Variants in KMT2E observed in about 807,000 individuals in gnomAD.
KMT2E encodes the protein lysine methyltransferase 2E (inactive).
In KMT2E, 30 loss-of-function variants were observed where a neutral mutation model predicts 184.6. That is an observed-to-expected ratio of 0.16 (90% CI 0.12 to 0.22). The LOEUF is 0.22. Ranked by LOEUF, KMT2E falls within the 10% of genes least tolerant of loss-of-function variation. The pLI, the probability that KMT2E is intolerant of heterozygous loss-of-function variation, is 1.00. For synonymous variants in KMT2E, 815 were observed against 776.5 expected, an observed-to-expected ratio of 1.05 and a Z score of -0.82; for missense variants, 2,023 against 2,237.4, an observed-to-expected ratio of 0.90 and a Z score of 1.93.
chr7:105,096,959 A>G (rs979755093), intron 15 of KMT2E, among the ~76,000 whole-genome samples: 3 of 152,206 alleles, frequency 2.0e-5, no homozygotes, highest in Non-Finnish European at 2.9e-5. Flanking sequence ...TTTTCAGATT[A>G]CCAGTGTACA....
chr7:105,021,902 A>AT (rs962711064), intron 1 of KMT2E, among the ~76,000 whole-genome samples: 2 of 152,206 alleles, frequency 1.3e-5, no homozygotes, highest in African/African-American at 4.8e-5. Context: ...CTTAAAAATA[A>AT]TGTAAAATTT....
chr7:105,092,417 G>A (rs28413880), intron 15 of KMT2E, among the ~76,000 whole-genome samples: 1 of 151,898 alleles, frequency 6.6e-6, no homozygotes, highest in Non-Finnish European at 1.5e-5. Flanking sequence ...AAAAAAGTTT[G>A]GTCATTGTTG....
intron 1 of KMT2E, among the ~76,000 whole-genome samples, chr7:105,034,934 C>A (rs1273368931): frequency 2.0e-5 from 3 of 151,828 alleles, no homozygotes; most frequent in African/African-American, 7.3e-5. Flanking sequence ...TGGCTCACTG[C>A]AACCTCTTCC....
At chr7:105,086,043 T>C (rs1341753591) in intron 13 of KMT2E, among the ~76,000 whole-genome samples, 1 of 152,244 alleles carries the variant, frequency 6.6e-6, no homozygotes, top group African/African-American at 2.4e-5. Context: ...ATTTTGTATA[T>C]TTTTAAACTT....
chr7:105,106,418 A>C lies in KMT2E; in HGVS notation c.2597-104A>C, dbSNP rs1006385185. The C allele has an allele frequency of 2.1e-4, 239 of 1,113,350 alleles. 1 individual carries two copies. The African/African-American group carries it at 3.3e-3, about 15-fold the overall frequency. 69.0% of individuals were successfully genotyped at this position (1,113,350 alleles called of 1,614,324 possible). A position where few individuals can be genotyped will look rare whatever the true frequency, so the allele number is the denominator to read the frequency against. On this transcript the variant is annotated intron_variant, in intron 19 of 26. Transcript: ENST00000311117. ...GAAATTCAGTTTTGGGGTAAAAGTCATAACTGCCATTGTTTATATTTTATC... is the reference window on the plus strand; with the variant it reads ...GAAATTCAGTTTTGGGGTAAAAGTCCTAACTGCCATTGTTTATATTTTATC...
chr7:105,087,675 C>T (rs761736767), intron 13 of KMT2E, among the ~76,000 whole-genome samples: 1 of 151,952 alleles, frequency 6.6e-6, no homozygotes, highest in East Asian at 1.9e-4. Context: ...CCACCTGCCT[C>T]GGCCTCCCAA....
At chr7:105,081,148 G>A (rs1405525728) in intron 12 of KMT2E, among the ~76,000 whole-genome samples, 6 of 152,120 alleles carry the variant, frequency 3.9e-5, no homozygotes, top group African/African-American at 1.2e-4. Flanking sequence ...TGGGGAGGCC[G>A]AGGCCGGCAC....
intron 18 of KMT2E, 63 bp downstream of exon 18, chr7:105,105,756 C>T (rs948161039): frequency 1.3e-6 from 2 of 1,562,514 alleles, no homozygotes; most frequent in Non-Finnish European, 1.7e-6. Context: ...TCCTTACTAC[C>T]ATCCATGGTA....
intron 3 of KMT2E, among the ~76,000 whole-genome samples, chr7:105,058,671 G>A (rs1796668951): frequency 6.6e-6 from 1 of 152,158 alleles, no homozygotes; most frequent in Admixed American, 6.5e-5. Flanking sequence ...TTGAAAAGGT[G>A]ACTTCATCTA....
chr7:105,028,545 G>T (rs1795267773), intron 1 of KMT2E, among the ~76,000 whole-genome samples: 1 of 152,052 alleles, frequency 6.6e-6, no homozygotes, highest in African/African-American at 2.4e-5. Flanking sequence ...AGGCTGGAGT[G>T]CAGTGGCATG....
Position 105,073,692 on chromosome 7 carries a change from C to A in KMT2E, c.556+15C>A. 1.3e-6 allele frequency: 2 copies of A among 1,528,160 alleles called. No individual in the cohort carries two copies. The highest frequency in any genetic ancestry group is 1.8e-6 in the Non-Finnish European group (2 of 1,103,506). 94.7% of individuals were successfully genotyped at this position (1,528,160 alleles called of 1,614,324 possible). ...AAATATGTCAGGTAGGTAAAAAGGA[C>A]CTACACTAAATTAAAATTCGTGTGA... On this transcript the variant is annotated intron_variant, in intron 7 of 26. Transcript: ENST00000311117.
At chr7:105,107,339 T>C in intron 21 of KMT2E, 23 bp from the exon 22 acceptor site, 1 of 1,532,264 alleles carries the variant, frequency 6.5e-7, no homozygotes, top group Non-Finnish European at 8.8e-7. Context: ...TTTGTGTAAT[T>C]TTTTTTTTTA....
chr7:105,025,045 A>G (rs1170519082), intron 1 of KMT2E, among the ~76,000 whole-genome samples: 1 of 152,154 alleles, frequency 6.6e-6, no homozygotes. Context: ...GAGGAGTGCT[A>G]CTGAAAAATT....
chr7:105,029,979 T>A (rs1479822665), intron 1 of KMT2E, among the ~76,000 whole-genome samples: 1 of 152,226 alleles, frequency 6.6e-6, no homozygotes, highest in Non-Finnish European at 1.5e-5. Flanking sequence ...AATAATAATT[T>A]AGGTGGGTAT....
rs1442765249 is a variant in KMT2E, at chr7:105,060,820, G to A, written c.72-1344G>A. ...ATATTCAGTGCATTGTGTTACCTAC[G>A]ATATTCAGCGCATAACATGCTGTAT... On this transcript the variant is annotated intron_variant, in intron 3 of 26. Coordinates refer to ENST00000311117, the MANE Select transcript of KMT2E (RefSeq NM_182931.3). Among the ~76,000 whole-genome samples the A allele has an allele frequency of 2.6e-5, 4 of 152,088 alleles. No individual in the cohort carries two copies. The South Asian group carries it at 6.2e-4, about 24-fold the overall frequency.
rs767151560 is a variant in KMT2E, at chr7:105,107,432, T to G, written c.2975T>G (p.Leu992Arg). The change falls in exon 22 of 27, where the codon CTG becomes CGG. Residue 992 changes from leucine to arginine, a missense_variant. By Grantham distance (102) the Leu-to-Arg change is moderately radical. Around this residue, in one of 8 missense-constraint regions of KMT2E, gnomAD observed 514 missense variants for 621.8 expected, o/e 0.83. Transcript: ENST00000311117. ...AATTCTAATTTAACTGAACTGGGTC[T>G]GCAAGAAATAAAGACTATTGGTTAT... Reference protein sequence around the residue: ...FRNSNLTELGLQEIKTIGYTS... With the variant: ...FRNSNLTELGRQEIKTIGYTS... The G allele has an allele frequency of 1.2e-6, 2 of 1,613,572 alleles. No homozygotes were observed. Among genetic ancestry groups the G allele is most frequent in the Non-Finnish European group, 1.7e-6 (2 of 1,179,804 alleles).
At chr7:105,089,138 T>G (rs1369920349) in intron 13 of KMT2E, 1 of 287,616 alleles carries the variant, frequency 3.5e-6, no homozygotes, top group Non-Finnish European at 6.9e-6. Context: ...TTTTTCTTCT[T>G]CTGTAATATA....
intron 3 of KMT2E, among the ~76,000 whole-genome samples, chr7:105,043,348 T>C (rs1795962585): frequency 3.3e-5 from 5 of 150,616 alleles, no homozygotes; most frequent in Admixed American, 3.3e-4. Context: ...GCCATTCTCC[T>C]GCCTCAGCCT....
At chr7:105,037,581 C>T (rs1795711627) in intron 1 of KMT2E, among the ~76,000 whole-genome samples, 1 of 152,000 alleles carries the variant, frequency 6.6e-6, no homozygotes, top group East Asian at 1.9e-4. Flanking sequence ...CAGGCTGTTC[C>T]TGAACTCCTG....
Sources: gnomAD v4.1 joint callset for allele counts (sites outside exome capture counted in the v4.1 genomes callset) on GRCh38, gnomAD v4.1.1 for gene constraint, gnomAD v4.1.1 regional missense constraint, MANE v1.5 for transcripts, NCBI Gene and HGNC (gene_info 2026-07-23, HGNC 2026-07-21) for gene names.